B4GALT6: variants seen among roughly 807,000 people sequenced by gnomAD.
B4GALT6 encodes beta-1,4-galactosyltransferase 6.
Under a neutral mutation model 46.3 loss-of-function variants are expected in B4GALT6, and 14 were observed. The observed-to-expected ratio is 0.30, with a 90% CI of 0.20 to 0.47. The LOEUF (loss-of-function observed/expected upper bound fraction) is 0.47. Among genes scored for constraint, B4GALT6 ranks in the 20% least tolerant of loss-of-function variants. B4GALT6 has a pLI of 0.99. For missense variants in B4GALT6, 386 were observed against 480.1 expected (o/e 0.80, Z 1.83); for synonymous variants, 168 against 162.0 (o/e 1.04, Z -0.28).
chr18:31,663,478 G>A (rs372797423), intron 2 of B4GALT6, among the ~76,000 whole-genome samples: 10 of 152,296 alleles, frequency 6.6e-5, no homozygotes, highest in African/African-American at 2.4e-4. Flanking sequence ...ATCTGATTAT[G>A]AGAGTATATA....
intron 6 of B4GALT6, among the ~76,000 whole-genome samples, 153 bp downstream of exon 6, chr18:31,630,806 T>C (rs930373558): frequency 6.6e-6 from 1 of 152,176 alleles, no homozygotes; most frequent in Admixed American, 6.5e-5. Flanking sequence ...CCACTCTGTG[T>C]CCTGGCTCCC....
chr18:31,703,688 G>A, the B4GALT6 span, among the ~76,000 whole-genome samples: 1 of 152,346 alleles, frequency 6.6e-6, no homozygotes, highest in East Asian at 1.9e-4. Flanking sequence ...GGAAAAGAAT[G>A]AGCCTAATAG....
At chr18:31,651,834 G>C (rs11081705) in intron 3 of B4GALT6, among the ~76,000 whole-genome samples, 59,519 of 151,922 alleles carry the variant, frequency 0.39, 13,717 homozygotes, top group South Asian at 0.61. Context: ...GCAGTGGCGA[G>C]ATCTCAGCTC....
At chr18:31,635,141 G>T (rs1421503879) in intron 5 of B4GALT6, among the ~76,000 whole-genome samples, 1 of 151,930 alleles carries the variant, frequency 6.6e-6, no homozygotes, top group African/African-American at 2.4e-5. Context: ...TGAGGCACGA[G>T]AATCACTTGA....
At chr18:31,639,894 A>AT (rs2073908653) in intron 4 of B4GALT6, among the ~76,000 whole-genome samples, 1 of 152,198 alleles carries the variant, frequency 6.6e-6, no homozygotes, top group African/African-American at 2.4e-5. Flanking sequence ...TATTTCTTGG[A>AT]TACAAACTTT....
At chr18:31,650,926 C>T (rs1326928174) in intron 3 of B4GALT6, among the ~76,000 whole-genome samples, 2 of 152,122 alleles carry the variant, frequency 1.3e-5, no homozygotes, top group Admixed American at 1.3e-4. Flanking sequence ...GCCATCATAC[C>T]CGGCTAATTT....
chr18:31,671,038 C>T (rs1415781457), intron 1 of B4GALT6, among the ~76,000 whole-genome samples: 1 of 152,046 alleles, frequency 6.6e-6, no homozygotes, highest in Non-Finnish European at 1.5e-5. Flanking sequence ...TGAGAATGAT[C>T]GTTTCCAGCT....
intron 1 of B4GALT6, among the ~76,000 whole-genome samples, chr18:31,668,319 G>C (rs1005340832): frequency 2.0e-5 from 3 of 152,136 alleles, no homozygotes; most frequent in Non-Finnish European, 1.5e-5. Flanking sequence ...AAGAGGGAGG[G>C]ACAAAGCGGG....
the B4GALT6 span, among the ~76,000 whole-genome samples, chr18:31,715,687 A>C: frequency 2.0e-5 from 3 of 151,146 alleles, no homozygotes; most frequent in Non-Finnish European, 4.4e-5. Context: ...AGTAGCTGGG[A>C]TTACAGGCAT....
At chr18:31,686,061 C>A (rs1433932324), upstream of B4GALT6, 2 of 152,396 alleles carry the variant, frequency 1.3e-5, no homozygotes, top group African/African-American at 4.8e-5. Context: ...ACCTCCTAGG[C>A]CGTGGTCTAC....
At chr18:31,717,737 C>T in the B4GALT6 span, among the ~76,000 whole-genome samples, 15 of 151,986 alleles carry the variant, frequency 9.9e-5, no homozygotes, top group Admixed American at 2.0e-4. Flanking sequence ...GGCGGATCAC[C>T]GGAGTTCAGG....
the B4GALT6 span, among the ~76,000 whole-genome samples, chr18:31,709,219 CAAA>C: frequency 2.0e-5 from 3 of 151,598 alleles, no homozygotes; most frequent in African/African-American, 7.3e-5. Flanking sequence ...TTTAAAAATT[CAAA>C]TTTATGTATT....
chr18:31,632,908 C>T (rs531542380), intron 5 of B4GALT6, among the ~76,000 whole-genome samples: 89 of 152,262 alleles, frequency 5.8e-4, no homozygotes, highest in African/African-American at 2.1e-3. Flanking sequence ...TCAAGCCCAA[C>T]TCTCCCTTGC....
chr18:31,651,299 C>T (rs1227747473), intron 3 of B4GALT6, among the ~76,000 whole-genome samples: 2 of 152,070 alleles, frequency 1.3e-5, no homozygotes, highest in East Asian at 3.9e-4. Context: ...TAGATTAATC[C>T]CATCATTTGG....
the B4GALT6 span, among the ~76,000 whole-genome samples, chr18:31,716,653 T>C: frequency 6.6e-6 from 1 of 152,266 alleles, no homozygotes; most frequent in East Asian, 1.9e-4. Flanking sequence ...CTTGAATGCC[T>C]GGGGGTGGTG....
chr18:31,640,741 TC>T (rs1306691717), intron 4 of B4GALT6, among the ~76,000 whole-genome samples: 1 of 152,150 alleles, frequency 6.6e-6, no homozygotes, highest in East Asian at 1.9e-4. Flanking sequence ...AAGACCTCCT[TC>T]CTGCCCCCGC....
intron 3 of B4GALT6, among the ~76,000 whole-genome samples, chr18:31,652,592 T>C (rs1007449971): frequency 6.6e-6 from 1 of 152,170 alleles, no homozygotes; most frequent in Non-Finnish European, 1.5e-5. Context: ...GACCCCAAGT[T>C]AACCCTCTTG....
At chr18:31,701,732 T>A in the B4GALT6 span, among the ~76,000 whole-genome samples, 1 of 152,130 alleles carries the variant, frequency 6.6e-6, no homozygotes, top group Admixed American at 6.5e-5. Flanking sequence ...ACAAAGAAAA[T>A]AAATGATTGA....
chr18:31,642,745 C>T (rs939858788), intron 4 of B4GALT6, among the ~76,000 whole-genome samples: 4 of 152,140 alleles, frequency 2.6e-5, no homozygotes, highest in Non-Finnish European at 4.4e-5. Flanking sequence ...GCGCAGTGGG[C>T]GCGATCTTGG....
Sources: gnomAD v4.1 joint callset for allele counts (sites outside exome capture counted in the v4.1 genomes callset) on GRCh38, gnomAD v4.1.1 for gene constraint, MANE v1.5 for transcripts, NCBI Gene and HGNC (gene_info 2026-07-23, HGNC 2026-07-21) for gene names.